The following RTEL1 variants were observed in gnomAD, a reference collection of about 807,000 sequenced individuals.
RTEL1 encodes regulator of telomere elongation helicase 1.
RTEL1 carries 86 observed loss-of-function variants against 162.2 expected under a neutral mutation model. That is an observed-to-expected ratio of 0.53 (90% CI 0.45 to 0.63). The LOEUF (loss-of-function observed/expected upper bound fraction) is 0.63. Ranked by LOEUF, RTEL1 falls within the 30% of genes least tolerant of loss-of-function variation. The pLI is 0.00. For missense variants in RTEL1, 1,941 were observed against 1,750.2 expected (o/e 1.11, Z -1.95); for synonymous variants, 958 against 717.9 (o/e 1.33, Z -5.35).
chr20:63,666,900 T>C (rs573225846), intron 7 of RTEL1, among the ~76,000 whole-genome samples: 3,106 of 144,372 alleles, frequency 0.022, 43 homozygotes, highest in Non-Finnish European at 0.034. Context: ...AGTGCAGTGG[T>C]GCGATCTCGG....
intron 34 of RTEL1, 32 bp from the exon 35 acceptor site, chr20:63,695,746 C>T: frequency 6.3e-7 from 1 of 1,590,156 alleles, no homozygotes. Flanking sequence ...CAACGCCTGG[C>T]AGACGTGTGC....
At chr20:63,662,331 T>A in intron 4 of RTEL1, 2 of 882,216 alleles carry the variant, frequency 2.3e-6, no homozygotes. Flanking sequence ...GCCGGACCAG[T>A]GGCAGGGTGC....
chr20:63,667,824 CGCTCTTGATCCTGACA>C (rs1569085955), intron 8 of RTEL1, among the ~76,000 whole-genome samples: 32 of 152,202 alleles, frequency 2.1e-4, no homozygotes. Flanking sequence ...GGCCAGTGCC[CGCTCTTGATCCTGACA>C]GCTCAGGTTC....
intron 7 of RTEL1, among the ~76,000 whole-genome samples, 195 bp downstream of exon 7, chr20:63,666,274 C>T (rs2090125467): frequency 6.6e-6 from 1 of 152,260 alleles, no homozygotes; most frequent in Admixed American, 6.5e-5. Flanking sequence ...CTTCCCTGGC[C>T]CTCAGCCATC....
chr20:63,664,166 G>A (rs961303978), intron 6 of RTEL1, among the ~76,000 whole-genome samples: 50 of 152,302 alleles, frequency 3.3e-4, no homozygotes, highest in African/African-American at 1.2e-3. Context: ...AGGAGCTGCC[G>A]GCTCGTCCCG....
intron 8 of RTEL1, 84 bp from the exon 9 acceptor site, chr20:63,672,472 C>T (rs1180844710): frequency 1.2e-5 from 14 of 1,121,446 alleles, no homozygotes; most frequent in Non-Finnish European, 1.8e-5. Flanking sequence ...TTGTGATGTT[C>T]GATGCCTGCT....
Position 63,689,112 on chromosome 20 carries a change from C to T in RTEL1, c.1858C>T (p.Leu620=), listed in dbSNP as rs368411912. ...CCCTGGGTCCACCGGCGCCACCTTC[C>T]TGGCGGTCTGCCGGGGCAAGGTGAG... ...AAPGSTGATF[L]AVCRGKASEG... Residue 620 remains leucine, a synonymous_variant, in exon 22 of 35, where the codon CTG becomes TTG. Transcript: ENST00000360203. 6.2e-6 allele frequency: 10 copies of T among 1,609,904 alleles called. No homozygotes were observed. The highest frequency in any genetic ancestry group is 8.5e-6 in the Non-Finnish European group (10 of 1,179,888).
Position 63,685,580 on chromosome 20 carries a change from G to A in RTEL1, c.1249G>A (p.Ala417Thr), listed in dbSNP as rs947381427. The A allele has an allele frequency of 3.1e-6, 5 of 1,611,974 alleles. 1 individual carries two copies. The highest frequency in any genetic ancestry group is 3.3e-5 in the Admixed American group (2 of 59,930). The change falls in exon 15 of 35, where the codon GCC (alanine) becomes ACC (threonine). Residue 417 changes from alanine (A) to threonine (T), a missense_variant. Coordinates refer to ENST00000360203, the MANE Select transcript of RTEL1 (RefSeq NM_001283009.2). ...CCCTGGTTCCCCAGCAGGGCTGGGGGCCTTACAGTCCTATAAGGTAGGGGC... is the reference window on the plus strand; with the variant it reads ...CCCTGGTTCCCCAGCAGGGCTGGGGACCTTACAGTCCTATAAGGTAGGGGC... ...GSPGSPAGLG[A>T]LQSYKVHIHP...
In RTEL1 at chr20:63,668,247, G is replaced by A. The variant is rs752755250; in HGVS notation, c.699+694G>A. Among the ~76,000 whole-genome samples, 26 of 152,168 alleles carry A rather than the reference G, an allele frequency of 1.7e-4. No homozygotes were observed. Among genetic ancestry groups the A allele is most frequent in the Non-Finnish European group, 2.9e-4 (20 of 68,044 alleles). On this transcript the variant is annotated intron_variant, in intron 8 of 34. Transcript: ENST00000360203. The surrounding 1 kb of genome is among the most constrained non-coding windows in gnomAD (Gnocchi z 4.3). ...TTACTTAGTGCAGGTGGGATCACAC[G>A]CCACGGGTCAATGGTTTGTGTGTTC...
rs1488647349 is a variant in RTEL1 at position 63,692,832 on chromosome 20, G to C, written c.2680G>C (p.Asp894His). Residue 894 changes from aspartate to histidine, a missense_variant, in exon 29 of 35, where the codon GAC (aspartate) becomes CAC (histidine). Transcript: ENST00000360203. ...GGAGCCCGTGGCTGGTGCACAGACG[G>C]ACAGGGCCAAGCTCTTCATGGTGGC... The part of the protein sequence containing the change: ...PEEPVAGAQT[D>H]RAKLFMVAVK... 1.9e-6 allele frequency: 3 copies of C among 1,612,432 alleles called. No individual in the cohort carries two copies. Among genetic ancestry groups the C allele is most frequent in the Non-Finnish European group, 2.5e-6 (3 of 1,179,750 alleles).
intron 10 of RTEL1, among the ~76,000 whole-genome samples, chr20:63,674,368 G>A (rs2090307822): frequency 6.6e-6 from 1 of 152,176 alleles, no homozygotes; most frequent in Non-Finnish European, 1.5e-5. Flanking sequence ...GGAAGGGCTG[G>A]TATTGTTCAG....
In RTEL1 at chr20:63,693,440, CACCAGCAG is replaced by C. The variant is rs1438443615; in HGVS notation, c.2992+158_2992+165del. Among the ~76,000 whole-genome samples, 75 of 143,164 alleles carry C rather than the reference CACCAGCAG, an allele frequency of 5.2e-4. 3 individuals are homozygous for C. The highest frequency in any genetic ancestry group is 1.4e-3 in the South Asian group (6 of 4,392). The allele number at this position is 143,164 out of a possible 152,430, so 93.9% of individuals were successfully genotyped here. ...TGGGGGCCTCCACCTCCACCACCAG[CACCAGCAG>C]CACCACCTCCACCTCCACCTCCACC... On this transcript the variant is annotated intron_variant, in intron 30 of 34. Coordinates refer to ENST00000360203, the MANE Select transcript of RTEL1 (RefSeq NM_001283009.2).
At chr20:63,689,030 T>C (rs1568709792) in intron 21 of RTEL1, 25 bp from the exon 22 acceptor site, 1 of 1,601,466 alleles carries the variant, frequency 6.2e-7, no homozygotes, top group African/African-American at 1.3e-5. Flanking sequence ...GGCTCCAGGC[T>C]CAGCCTCACC....
chr20:63,685,278 G>A (rs1414045398), intron 14 of RTEL1, among the ~76,000 whole-genome samples: 1 of 152,126 alleles, frequency 6.6e-6, no homozygotes, highest in Non-Finnish European at 1.5e-5. Flanking sequence ...TCGGGCTGCC[G>A]CATTTTCAGT....
Position 63,689,730 on chromosome 20 carries a change from C to T in RTEL1, c.2026-20C>T, listed in dbSNP as rs369387432. 6.4e-5 allele frequency: 103 copies of T among 1,608,354 alleles called. No individual in the cohort carries two copies. The highest frequency in any genetic ancestry group is 1.9e-4 in the African/African-American group (14 of 74,856). ...CCGTGGCCAAGGGAGCCCCCGTGAC[C>T]GAGCCGCCTCGCCCCACAGTTCCTC... On this transcript the variant is annotated intron_variant, in intron 23 of 34. Coordinates refer to ENST00000360203, the MANE Select transcript of RTEL1 (RefSeq NM_001283009.2).
rs149428839 is a variant in RTEL1, at chr20:63,685,810, C to G, written c.1286C>G (p.Ala429Gly). The G allele has an allele frequency of 1.2e-6, 2 of 1,612,516 alleles. No individual in the cohort carries two copies. Among genetic ancestry groups the G allele is most frequent in the South Asian group, 2.2e-5 (2 of 90,958 alleles). ...CTCCAGGTGCACATCCATCCTGATG[C>G]TGGTCACCGGAGGACGGCTCAGCGG... The part of the protein sequence containing the change: ...QSYKVHIHPD[A>G]GHRRTAQRSD... The change falls in exon 16 of 35, where the codon GCT becomes GGT. Residue 429 changes from alanine (A) to glycine (G), a missense_variant. Transcript: ENST00000360203.
intron 10 of RTEL1, among the ~76,000 whole-genome samples, chr20:63,676,143 ACTGCAGCCTCCACCTC>A (rs1329987280): frequency 2.0e-5 from 3 of 151,952 alleles, no homozygotes; most frequent in Admixed American, 6.6e-5. Flanking sequence ...ATCACGGCTC[ACTGCAGCCTCCACCTC>A]CTGCAGCCTC....
chr20:63,695,925 C>A lies in RTEL1; in HGVS notation c.*67C>A. The A allele has an allele frequency of 2.1e-6, 3 of 1,457,232 alleles. No individual in the cohort carries two copies. Among genetic ancestry groups the A allele is most frequent in the Non-Finnish European group, 2.8e-6 (3 of 1,072,002 alleles). The allele number at this position is 1,457,232 out of a possible 1,614,324, so 90.3% of individuals were successfully genotyped here. A position where few individuals can be genotyped will look rare whatever the true frequency, so the allele number is the denominator to read the frequency against. ...ACCTGCCTGTCCAGCTCTGGTGGGC[C>A]AAGAACCCACCCAACAGAATAGGCC... On this transcript the variant is annotated 3_prime_UTR_variant, in exon 35 of 35. Transcript: ENST00000360203.
chr20:63,693,047 C>T (rs1601183372), intron 29 of RTEL1, 44 bp downstream of exon 29: 2 of 1,609,946 alleles, frequency 1.2e-6, no homozygotes, highest in South Asian at 1.1e-5. Context: ...GGCAGTGCTG[C>T]CGCCGCGTGT....
Sources: gnomAD v4.1 joint callset for allele counts (sites outside exome capture counted in the v4.1 genomes callset) on GRCh38, gnomAD v4.1.1 for gene constraint, Gnocchi (gnomAD v3.1) non-coding constraint, MANE v1.5 for transcripts, NCBI Gene and HGNC (gene_info 2026-07-23, HGNC 2026-07-21) for gene names.